The following ETV1 variants were observed in gnomAD, a reference collection of about 807,000 sequenced individuals.
ETV1 encodes ETS variant transcription factor 1.
A neutral mutation model predicts 62.3 loss-of-function variants in ETV1; 27 were observed. That is an observed-to-expected ratio of 0.43 (90% confidence interval 0.32 to 0.60). ETV1 has a LOEUF of 0.60. Ranked by LOEUF, ETV1 falls within the 20% of genes least tolerant of loss-of-function variation. The probability of loss-of-function intolerance (pLI) is 0.06; values close to 1 mark genes in which losing one functional copy is unlikely to be tolerated. For missense variants in ETV1, 605 were observed against 605.8 expected (o/e 1.00, Z 0.01); for synonymous variants, 222 against 199.6 (o/e 1.11, Z -0.94).
intron 6 of ETV1, among the ~76,000 whole-genome samples, chr7:13,950,317 G>A (rs182433573): frequency 4.6e-5 from 7 of 152,102 alleles, no homozygotes; most frequent in Admixed American, 1.3e-4. Flanking sequence ...GCTGAGTCTC[G>A]AAACTCATTT....
In ETV1 at chr7:13,893,901, G is replaced by A. The variant is rs1230659347; in HGVS notation, c.*1965C>T. The A allele has an allele frequency of 2.1e-5, 5 of 233,034 alleles. No individual in the cohort carries two copies. Among genetic ancestry groups the A allele is most frequent in the Non-Finnish European group, 4.2e-5 (5 of 117,796 alleles). The allele number at this position is 233,034 out of a possible 1,614,324, so 14.4% of individuals were successfully genotyped here. The stretch of plus-strand genomic sequence containing the variant: ...AAAATGGGCCAAAATAATACATGAT[G>A]TATATGAACAACAATCATTGAAATC... On this transcript the variant is annotated 3_prime_UTR_variant, in exon 14 of 14. Coordinates refer to ENST00000430479, the MANE Select transcript of ETV1 (RefSeq NM_004956.5).
rs1781606732 is a variant in ETV1 at position 13,894,507 on chromosome 7, A to G, written c.*1359T>C. 4.3e-6 allele frequency: 1 copy of G among 232,614 alleles called. No individual in the cohort carries two copies. Among genetic ancestry groups the G allele is most frequent in the African/African-American group, 2.2e-5 (1 of 45,318 alleles). The allele number at this position is 232,614 out of a possible 1,614,324, so 14.4% of individuals were successfully genotyped here. On this transcript the variant is annotated 3_prime_UTR_variant, in exon 14 of 14. Transcript: ENST00000430479. ...TTCCTCATATTCTTTGACGGTTTGT[A>G]AATAATTTTCCATATCACCAAAAGT...
At chr7:13,964,897 T>C (rs987205241) in intron 6 of ETV1, among the ~76,000 whole-genome samples, 4 of 152,142 alleles carry the variant, frequency 2.6e-5, no homozygotes, top group African/African-American at 9.7e-5. Context: ...CTTTTTGGGT[T>C]TCAGTTTTTC....
At chr7:13,940,574 T>A (rs73068189) in intron 6 of ETV1, among the ~76,000 whole-genome samples, 10,026 of 152,106 alleles carry the variant, frequency 0.066, 431 homozygotes, top group Non-Finnish European at 0.11. Flanking sequence ...AGTCAAGGGA[T>A]AAACACATAA....
At chr7:13,930,356 C>T (rs1417574445) in intron 9 of ETV1, among the ~76,000 whole-genome samples, 1 of 152,112 alleles carries the variant, frequency 6.6e-6, no homozygotes, top group African/African-American at 2.4e-5. Context: ...GAGTCTTACT[C>T]TGTCACCCAG....
At chr7:13,897,149 G>A in intron 13 of ETV1, among the ~76,000 whole-genome samples, 1 of 151,914 alleles carries the variant, frequency 6.6e-6, no homozygotes, top group Non-Finnish European at 1.5e-5. Flanking sequence ...CAAAACCCGG[G>A]GTGGGGGGAT....
chr7:13,905,005 C>T (rs1443483280), intron 12 of ETV1, among the ~76,000 whole-genome samples: 2 of 149,300 alleles, frequency 1.3e-5, no homozygotes, highest in South Asian at 2.2e-4. Context: ...TCTGTGTGTG[C>T]GTGCTTGATG....
intron 5 of ETV1, among the ~76,000 whole-genome samples, chr7:13,980,647 A>G (rs1781885559): frequency 6.6e-6 from 1 of 152,128 alleles, no homozygotes; most frequent in Non-Finnish European, 1.5e-5. Flanking sequence ...TTTTATTGGT[A>G]ATAGCTGGAG....
At chr7:13,961,528 G>C (rs1220954597) in intron 6 of ETV1, among the ~76,000 whole-genome samples, 2 of 152,086 alleles carry the variant, frequency 1.3e-5, no homozygotes, top group Non-Finnish European at 2.9e-5. Flanking sequence ...TCTTCAGGCT[G>C]AGCGAACACT....
At chr7:13,952,745 T>C (rs1269943031) in intron 6 of ETV1, among the ~76,000 whole-genome samples, 2 of 152,112 alleles carry the variant, frequency 1.3e-5, no homozygotes, top group African/African-American at 2.4e-5. Context: ...AGTATATTAA[T>C]AAAGAAAAGG....
chr7:13,985,380 T>A (rs1782447092), intron 5 of ETV1: 1 of 152,126 alleles, frequency 6.6e-6, no homozygotes, highest in Admixed American at 6.6e-5. Context: ...AATACAATCA[T>A]CCTTTCAAAG....
chr7:13,919,910 GAAGA>G (rs1305452689), intron 9 of ETV1, among the ~76,000 whole-genome samples: 2 of 151,760 alleles, frequency 1.3e-5, no homozygotes, highest in African/African-American at 2.4e-5. Flanking sequence ...GAGAGAGAGA[GAAGA>G]GAGATCCAAA....
intron 6 of ETV1, among the ~76,000 whole-genome samples, chr7:13,960,334 GC>G (rs1790019316): frequency 6.6e-6 from 1 of 151,952 alleles, no homozygotes; most frequent in African/African-American, 2.4e-5. Flanking sequence ...AAAGTCCTCT[GC>G]CCTAAAAACA....
intron 13 of ETV1, 137 bp from the exon 14 acceptor site, chr7:13,896,224 A>T: frequency 1.7e-6 from 1 of 596,210 alleles, no homozygotes; most frequent in Non-Finnish European, 2.9e-6. Context: ...AACAACTAAT[A>T]GCAGATACAC....
intron 6 of ETV1, among the ~76,000 whole-genome samples, chr7:13,953,191 C>T (rs1425864799): frequency 6.6e-6 from 1 of 152,122 alleles, no homozygotes; most frequent in Non-Finnish European, 1.5e-5. Context: ...AGGAATAAAA[C>T]CTGAACAAGC....
At chr7:13,974,327 A>G (rs1452209193) in intron 6 of ETV1, among the ~76,000 whole-genome samples, 5 of 152,380 alleles carry the variant, frequency 3.3e-5, no homozygotes, top group African/African-American at 1.2e-4. Context: ...TACAGAGGAA[A>G]GGAAAAGTCA....
At chr7:13,965,848 C>T (rs921853839) in intron 6 of ETV1, among the ~76,000 whole-genome samples, 3 of 152,080 alleles carry the variant, frequency 2.0e-5, no homozygotes, top group Non-Finnish European at 4.4e-5. Flanking sequence ...TATTGGCACT[C>T]GTTTTCAAAC....
chr7:13,896,226 C>A (rs1781759630), intron 13 of ETV1, 139 bp from the exon 14 acceptor site: 1 of 573,198 alleles, frequency 1.7e-6, no homozygotes, highest in Non-Finnish European at 3.1e-6. Flanking sequence ...CAACTAATAG[C>A]AGATACACAT....
chr7:13,951,517 G>A (rs1015772306), intron 6 of ETV1, among the ~76,000 whole-genome samples: 1 of 152,128 alleles, frequency 6.6e-6, no homozygotes, highest in Non-Finnish European at 1.5e-5. Flanking sequence ...AGTCCTTAAT[G>A]ATGTTAATTG....
Sources: gnomAD v4.1 joint callset for allele counts (sites outside exome capture counted in the v4.1 genomes callset) on GRCh38, gnomAD v4.1.1 for gene constraint, MANE v1.5 for transcripts, NCBI Gene and HGNC (gene_info 2026-07-23, HGNC 2026-07-21) for gene names.